The following TMEM266 variants were observed in gnomAD, a reference collection of about 807,000 sequenced individuals.
TMEM266 encodes the protein transmembrane protein 266, also known as Hv1 related protein 1.
Under a neutral mutation model 50.5 loss-of-function variants are expected in TMEM266, and 33 were observed. The ratio of observed to expected loss-of-function variants is 0.65; its 90% CI spans 0.50 to 0.87. TMEM266 has a LOEUF of 0.87. TMEM266 is among the 40% of genes least tolerant of loss of function. TMEM266 has a pLI of 0.00. For missense variants in TMEM266, 655 were observed against 695.1 expected (o/e 0.94, Z 0.65); for synonymous variants, 310 against 292.3 (o/e 1.06, Z -0.62).
chr15:76,165,892 C>T (rs1004164448), intron 5 of TMEM266, among the ~76,000 whole-genome samples: 4 of 152,172 alleles, frequency 2.6e-5, no homozygotes, highest in Non-Finnish European at 5.9e-5. Context: ...TGTTGTAACC[C>T]GGGGCAGGGT....
intron 1 of TMEM266, among the ~76,000 whole-genome samples, chr15:76,093,755 T>C (rs1248586233): frequency 6.6e-6 from 1 of 152,070 alleles, no homozygotes; most frequent in Non-Finnish European, 1.5e-5. Flanking sequence ...TTCCTGTTTC[T>C]CCACATCCTC....
At chr15:76,149,593 C>T (rs1596135708) in intron 3 of TMEM266, among the ~76,000 whole-genome samples, 1 of 152,174 alleles carries the variant, frequency 6.6e-6, no homozygotes, top group Non-Finnish European at 1.5e-5. Context: ...AACAACCTGT[C>T]AAAGCAGATA....
chr15:76,125,117 G>A (rs2037400651), intron 1 of TMEM266, among the ~76,000 whole-genome samples: 1 of 152,024 alleles, frequency 6.6e-6, no homozygotes, highest in Non-Finnish European at 1.5e-5. Context: ...AGAAAAACTG[G>A]GAAAACTGGA....
At chr15:76,064,016 C>T (rs1398077470) in intron 1 of TMEM266, among the ~76,000 whole-genome samples, 2 of 152,062 alleles carry the variant, frequency 1.3e-5, no homozygotes, top group Non-Finnish European at 2.9e-5. Flanking sequence ...GCAAATGGTA[C>T]GTGGGGAGAT....
chr15:76,155,685 T>C (rs1043677652), intron 3 of TMEM266, among the ~76,000 whole-genome samples: 5 of 152,058 alleles, frequency 3.3e-5, no homozygotes, highest in African/African-American at 1.2e-4. Flanking sequence ...TTTAACTTCG[T>C]TGGACCCAAA....
Position 76,189,586 on chromosome 15 carries a change from T to C in TMEM266, c.769-2382T>C, listed in dbSNP as rs564989657. Reference sequence around the variant, plus strand: ...CTTTTCCCCTCGGAACCCCTGAGAGTCTGGGAGGAAGGGGGTGTAGTGTGA... The same window carrying C: ...CTTTTCCCCTCGGAACCCCTGAGAGCCTGGGAGGAAGGGGGTGTAGTGTGA... On this transcript the variant is annotated intron_variant, in intron 8 of 10. Coordinates refer to ENST00000388942, the MANE Select transcript of TMEM266 (RefSeq NM_152335.3). Among the ~76,000 whole-genome samples, 4 of 150,484 alleles carry C rather than the reference T, an allele frequency of 2.7e-5. No homozygotes were observed. The South Asian group carries it at 8.5e-4, about 32-fold the overall frequency.
chr15:76,072,110 C>T (rs867283822), intron 1 of TMEM266, among the ~76,000 whole-genome samples: 1 of 152,074 alleles, frequency 6.6e-6, no homozygotes, highest in Non-Finnish European at 1.5e-5. Context: ...TAGTTACTCT[C>T]CTTTTCCAAA....
intron 1 of TMEM266, among the ~76,000 whole-genome samples, chr15:76,061,944 G>A (rs765371421): frequency 2.0e-5 from 3 of 152,176 alleles, no homozygotes; most frequent in African/African-American, 4.8e-5. Context: ...GCCGTGGCTC[G>A]TAATCCAGTC....
At chr15:76,123,919 G>C (rs144962619) in intron 1 of TMEM266, among the ~76,000 whole-genome samples, 6,350 of 152,230 alleles carry the variant, frequency 0.042, 284 homozygotes, top group African/African-American at 0.11. Context: ...CGCCATGTCG[G>C]CCAGGCTGGT....
At chr15:76,203,173 C>T (rs1399347664) in intron 10 of TMEM266, among the ~76,000 whole-genome samples, 3 of 152,130 alleles carry the variant, frequency 2.0e-5, no homozygotes, top group East Asian at 3.9e-4. Context: ...CCCGCAGCCC[C>T]CACCCCTGCC....
chr15:76,140,326 C>G (rs187193237), intron 3 of TMEM266, among the ~76,000 whole-genome samples: 6 of 152,320 alleles, frequency 3.9e-5, no homozygotes, highest in Non-Finnish European at 7.4e-5. Context: ...GAGGGAGGAA[C>G]GGCCTCTCTC....
intron 7 of TMEM266, among the ~76,000 whole-genome samples, chr15:76,173,806 G>A (rs1214474760): frequency 2.0e-5 from 3 of 151,940 alleles, no homozygotes; most frequent in Non-Finnish European, 2.9e-5. Context: ...GGTGATGCAC[G>A]CCTGTAATCC....
At chr15:76,094,748 G>A (rs181648372) in intron 1 of TMEM266, among the ~76,000 whole-genome samples, 18 of 152,158 alleles carry the variant, frequency 1.2e-4, no homozygotes, top group Admixed American at 1.0e-3. Flanking sequence ...CTATCCATGA[G>A]CATGGAATGT....
At chr15:76,084,962 T>C (rs2141994177) in intron 1 of TMEM266, among the ~76,000 whole-genome samples, 1 of 150,000 alleles carries the variant, frequency 6.7e-6, no homozygotes. Context: ...CTTTTTCCTT[T>C]TTTTTTTTTT....
chr15:76,201,208 A>C (rs926301220), intron 9 of TMEM266, among the ~76,000 whole-genome samples: 5 of 151,644 alleles, frequency 3.3e-5, no homozygotes, highest in Admixed American at 6.6e-5. Context: ...TCCCAATCAC[A>C]CCTGACCAAG....
chr15:76,117,203 C>T (rs2142016226), intron 1 of TMEM266, among the ~76,000 whole-genome samples: 1 of 152,172 alleles, frequency 6.6e-6, no homozygotes, highest in African/African-American at 2.4e-5. Context: ...CCAGCCGAAT[C>T]CATCAGGGTC....
chr15:76,184,442 C>T (rs2038465431), intron 8 of TMEM266, among the ~76,000 whole-genome samples: 2 of 152,238 alleles, frequency 1.3e-5, no homozygotes, highest in South Asian at 4.1e-4. Context: ...CTTTACTCTG[C>T]TCCTAAATCA....
At chr15:76,083,282 A>C (rs2141992906) in intron 1 of TMEM266, among the ~76,000 whole-genome samples, 1 of 142,016 alleles carries the variant, frequency 7.0e-6, no homozygotes, top group Non-Finnish European at 1.5e-5. Flanking sequence ...CCCAGGCTGG[A>C]GTGCAGTGGT....
intron 8 of TMEM266, among the ~76,000 whole-genome samples, chr15:76,179,295 G>A (rs904058214): frequency 5.9e-5 from 9 of 152,196 alleles, no homozygotes; most frequent in Non-Finnish European, 1.2e-4. Flanking sequence ...GAAGGATGGT[G>A]ATGAGATCGT....
Sources: allele counts gnomAD v4.1 joint callset (sites outside exome capture counted in the v4.1 genomes callset), GRCh38; gene constraint gnomAD v4.1.1; transcripts MANE v1.5; gene names NCBI Gene and HGNC (gene_info 2026-07-23, HGNC 2026-07-21).